Variants in MACROD2 observed in about 807,000 individuals in gnomAD.
MACROD2 encodes the protein ADP-ribose glycohydrolase MACROD2.
Under a neutral mutation model 70.4 loss-of-function variants are expected in MACROD2, and 36 were observed. That is an observed-to-expected ratio of 0.51 (90% CI 0.39 to 0.68). The LOEUF is 0.68. Ranked by LOEUF, MACROD2 falls within the 30% of genes least tolerant of loss-of-function variation. MACROD2 has a pLI of 0.00. For synonymous variants in MACROD2, 172 were observed against 178.8 expected, an observed-to-expected ratio of 0.96 and a Z score of 0.30; for missense variants, 496 against 538.4, an observed-to-expected ratio of 0.92 and a Z score of 0.78.
chr20:14,438,644 G>T (rs1381941829), intron 3 of MACROD2, among the ~76,000 whole-genome samples: 3 of 152,000 alleles, frequency 2.0e-5, no homozygotes, highest in Non-Finnish European at 4.4e-5. Flanking sequence ...GTTTTCATTT[G>T]CATTTCCCCG....
intron 2 of MACROD2, among the ~76,000 whole-genome samples, chr20:14,011,788 CA>C (rs1383146810): frequency 6.6e-6 from 1 of 152,208 alleles, no homozygotes; most frequent in Non-Finnish European, 1.5e-5. Flanking sequence ...CTCGGCCTCC[CA>C]AAGTGCTGAG....
intron 5 of MACROD2, among the ~76,000 whole-genome samples, chr20:14,798,215 C>T (rs1377733859): frequency 3.3e-5 from 5 of 151,972 alleles, no homozygotes; most frequent in African/African-American, 7.3e-5. Flanking sequence ...ATTTCATTTA[C>T]TTTAAATGGA....
At chr20:14,034,348 CT>C (rs1419844391) in intron 2 of MACROD2, among the ~76,000 whole-genome samples, 1 of 152,176 alleles carries the variant, frequency 6.6e-6, no homozygotes, top group African/African-American at 2.4e-5. Flanking sequence ...TAATCACCCC[CT>C]ATTCATAAGC....
At chr20:14,627,424 G>T (rs1268409206) in intron 4 of MACROD2, among the ~76,000 whole-genome samples, 1 of 152,130 alleles carries the variant, frequency 6.6e-6, no homozygotes, top group Non-Finnish European at 1.5e-5. Flanking sequence ...GTCATCTCAG[G>T]TTCAGAGGTC....
chr20:15,119,957 T>G (rs1208252959), intron 5 of MACROD2, among the ~76,000 whole-genome samples: 1 of 152,206 alleles, frequency 6.6e-6, no homozygotes. Context: ...TAATGTGAAT[T>G]TTATCTACTT....
chr20:15,377,585 A>G (rs1410121641), intron 6 of MACROD2, among the ~76,000 whole-genome samples: 1 of 152,248 alleles, frequency 6.6e-6, no homozygotes, highest in Non-Finnish European at 1.5e-5. Context: ...AAAATTCACA[A>G]GAAATGCCCA....
At chr20:15,404,124 G>A (rs1347314890) in intron 6 of MACROD2, among the ~76,000 whole-genome samples, 1 of 152,164 alleles carries the variant, frequency 6.6e-6, no homozygotes, top group Non-Finnish European at 1.5e-5. Flanking sequence ...AGAGTACATA[G>A]ATGGGCTGTA....
At chr20:15,201,476 C>T (rs1186298315) in intron 5 of MACROD2, among the ~76,000 whole-genome samples, 1 of 152,194 alleles carries the variant, frequency 6.6e-6, no homozygotes, top group African/African-American at 2.4e-5. Context: ...GACAATGATA[C>T]AAATTGCTTA....
At chr20:14,347,630 C>T (rs6110255) in intron 3 of MACROD2, among the ~76,000 whole-genome samples, 29,482 of 151,972 alleles carry the variant, frequency 0.19, 3,005 homozygotes, top group East Asian at 0.3. Flanking sequence ...CCAAAAGCTG[C>T]CACTTTTAAG....
chr20:14,615,071 T>C (rs1457001904), intron 4 of MACROD2, among the ~76,000 whole-genome samples: 1 of 152,098 alleles, frequency 6.6e-6, no homozygotes, highest in Non-Finnish European at 1.5e-5. Flanking sequence ...TAGGTTTTGA[T>C]GCATTCCAAG....
At chr20:15,176,391 T>C (rs1424609407) in intron 5 of MACROD2, among the ~76,000 whole-genome samples, 1 of 152,180 alleles carries the variant, frequency 6.6e-6, no homozygotes, top group African/African-American at 2.4e-5. Flanking sequence ...TGAGAACTTA[T>C]GGTGCTTTTT....
At chr20:14,635,393 A>G (rs1984736361) in intron 4 of MACROD2, among the ~76,000 whole-genome samples, 1 of 152,142 alleles carries the variant, frequency 6.6e-6, no homozygotes, top group Non-Finnish European at 1.5e-5. Flanking sequence ...AAAATGCTCC[A>G]TTTTCCAACT....
intron 5 of MACROD2, among the ~76,000 whole-genome samples, chr20:14,988,269 CAGA>C (rs2074867216): frequency 7.1e-6 from 1 of 141,206 alleles, no homozygotes; most frequent in African/African-American, 2.7e-5. Context: ...GAGGTTGAGG[CAGA>C]AGAATTGCTT....
intron 4 of MACROD2, among the ~76,000 whole-genome samples, chr20:14,501,168 A>G (rs1340804780): frequency 6.6e-6 from 1 of 152,070 alleles, no homozygotes; most frequent in Non-Finnish European, 1.5e-5. Flanking sequence ...TATAGCCAGG[A>G]TCTCATAATT....
chr20:15,284,452 TG>T (rs201648814), intron 6 of MACROD2, among the ~76,000 whole-genome samples: 92 of 152,326 alleles, frequency 6.0e-4, no homozygotes, highest in African/African-American at 2.2e-3. Flanking sequence ...TTAAATTTTT[TG>T]TGTGGGGGAG....
chr20:15,249,967 A>G (rs74782216), intron 6 of MACROD2, among the ~76,000 whole-genome samples: 4,926 of 152,288 alleles, frequency 0.032, 258 homozygotes, highest in African/African-American at 0.11. Context: ...GTTAGTATTA[A>G]ACCCTTACTA....
chr20:15,518,607 G>A (rs2047602296), intron 8 of MACROD2, among the ~76,000 whole-genome samples: 1 of 151,324 alleles, frequency 6.6e-6, no homozygotes, highest in Admixed American at 6.6e-5. Flanking sequence ...GAAGAAAGAA[G>A]GGGAAGAAGA....
At chr20:15,222,064 A>G (rs976958474) in intron 5 of MACROD2, among the ~76,000 whole-genome samples, 6 of 152,204 alleles carry the variant, frequency 3.9e-5, no homozygotes, top group Non-Finnish European at 7.3e-5. Context: ...CAATGGGTCA[A>G]CTCACAAACT....
chr20:15,350,053 C>A (rs138955675), intron 6 of MACROD2, among the ~76,000 whole-genome samples: 1 of 152,220 alleles, frequency 6.6e-6, no homozygotes, highest in Non-Finnish European at 1.5e-5. Flanking sequence ...AGATTTTCAG[C>A]CTGGGTTTCA....
Sources: gnomAD v4.1 joint callset for allele counts (sites outside exome capture counted in the v4.1 genomes callset) on GRCh38, gnomAD v4.1.1 for gene constraint, MANE v1.5 for transcripts, NCBI Gene and HGNC (gene_info 2026-07-23, HGNC 2026-07-21) for gene names.